The following ARMH3 variants were observed in gnomAD, a reference collection of about 807,000 sequenced individuals.
The protein encoded by ARMH3 is armadillo-like helical domain-containing protein 3.
A neutral mutation model predicts 99.1 loss-of-function variants in ARMH3; 60 were observed. That is an observed-to-expected ratio of 0.61 (90% CI 0.49 to 0.75). ARMH3 has a LOEUF of 0.75. Ranked by LOEUF, ARMH3 falls within the 30% of genes least tolerant of loss-of-function variation. The pLI is 0.00. For synonymous variants in ARMH3, 285 were observed against 292.8 expected (o/e 0.97, Z 0.27); for missense variants, 679 against 843.1 (o/e 0.81, Z 2.41).
chr10:101,938,648 TGCCCTTGG>T (rs879799233), intron 23 of ARMH3, among the ~76,000 whole-genome samples: 1 of 152,268 alleles, frequency 6.6e-6, no homozygotes, highest in African/African-American at 2.4e-5. Context: ...TTTGTCATGC[TGCCCTTGG>T]GTCATAAACA....
intron 24 of ARMH3, among the ~76,000 whole-genome samples, chr10:101,880,209 C>T (rs749115558): frequency 1.2e-4 from 18 of 152,208 alleles, no homozygotes; most frequent in Non-Finnish European, 1.8e-4. Flanking sequence ...TTATGGCTGT[C>T]GTGGGAGTCT....
At chr10:101,886,667 C>T (rs2067553845) in intron 24 of ARMH3, among the ~76,000 whole-genome samples, 1 of 152,110 alleles carries the variant, frequency 6.6e-6, no homozygotes, top group Non-Finnish European at 1.5e-5. Flanking sequence ...AAAGGCTGGG[C>T]TTTGTTTAAT....
chr10:101,935,272 C>T (rs1172025896), intron 23 of ARMH3, among the ~76,000 whole-genome samples: 1 of 150,368 alleles, frequency 6.7e-6, no homozygotes. Flanking sequence ...TGTTTGTGTT[C>T]CAATAAAGAC....
intron 24 of ARMH3, among the ~76,000 whole-genome samples, chr10:101,861,718 A>C (rs1368221953): frequency 7.9e-6 from 1 of 126,244 alleles, no homozygotes; most frequent in African/African-American, 3.0e-5. Flanking sequence ...CAACAGAGCG[A>C]GACTCCGTCT....
chr10:101,907,969 G>C (rs993441173), intron 23 of ARMH3, among the ~76,000 whole-genome samples: 1 of 152,172 alleles, frequency 6.6e-6, no homozygotes, highest in Non-Finnish European at 1.5e-5. Context: ...TTGCCTTACA[G>C]TGTAAGGAAT....
intron 22 of ARMH3, among the ~76,000 whole-genome samples, chr10:101,942,560 T>G (rs546289186): frequency 3.7e-4 from 56 of 152,244 alleles, no homozygotes; most frequent in African/African-American, 1.3e-3. Flanking sequence ...GTGTGTGCCT[T>G]TATCAAAAAT....
chr10:101,888,964 G>T (rs1247756101), intron 24 of ARMH3, among the ~76,000 whole-genome samples: 1 of 152,180 alleles, frequency 6.6e-6, no homozygotes, highest in African/African-American at 2.4e-5. Flanking sequence ...AAGGCAAAGA[G>T]AACTCAATTA....
At chr10:101,974,548 G>A (rs966488424) in intron 20 of ARMH3, among the ~76,000 whole-genome samples, 2 of 152,182 alleles carry the variant, frequency 1.3e-5, no homozygotes. Flanking sequence ...AGAAAGGGGT[G>A]GCAAGCCAGC....
At chr10:101,929,708 T>A (rs192470242) in intron 23 of ARMH3, among the ~76,000 whole-genome samples, 405 of 152,220 alleles carry the variant, frequency 2.7e-3, no homozygotes, top group African/African-American at 9.1e-3. Context: ...GAAAAAAAAT[T>A]AAAGCAATAA....
intron 20 of ARMH3, among the ~76,000 whole-genome samples, chr10:101,961,645 A>G (rs1043582484): frequency 6.6e-6 from 1 of 152,162 alleles, no homozygotes; most frequent in Non-Finnish European, 1.5e-5. Context: ...CTCAGTGCCA[A>G]CACAGAGCTC....
chr10:102,048,556 A>G (rs573041576), intron 1 of ARMH3, among the ~76,000 whole-genome samples: 1 of 152,160 alleles, frequency 6.6e-6, no homozygotes, highest in Admixed American at 6.5e-5. Context: ...CCTCCCAAGT[A>G]GCTGGGACTA....
At position 101,865,732 on chromosome 10, in the gene ARMH3, G is replaced by A. The variant is rs566485817; in HGVS notation, c.1861-15840C>T. Among the ~76,000 whole-genome samples, 565 of 151,028 alleles carry A rather than the reference G, an allele frequency of 3.7e-3. 4 individuals carry two copies. Among genetic ancestry groups the A allele is most frequent in the Non-Finnish European group, 6.2e-3 (421 of 67,826 alleles). Reference sequence around the variant, plus strand: ...TTGAACTCCTGACCTCAGATGATCCGCCCACCTCGGCCTTCCAAAGTGCTG... The same window carrying A: ...TTGAACTCCTGACCTCAGATGATCCACCCACCTCGGCCTTCCAAAGTGCTG... On this transcript the variant is annotated intron_variant, in intron 24 of 25. Transcript: ENST00000370033.
intron 13 of ARMH3, among the ~76,000 whole-genome samples, chr10:102,007,879 G>A (rs1449004768): frequency 4.7e-5 from 7 of 150,258 alleles, no homozygotes; most frequent in Non-Finnish European, 1.0e-4. Context: ...TTCAGATGGC[G>A]GCCTTCCTGT....
chr10:101,932,480 T>C (rs1241143660), intron 23 of ARMH3, among the ~76,000 whole-genome samples: 1 of 152,216 alleles, frequency 6.6e-6, no homozygotes, highest in Non-Finnish European at 1.5e-5. Context: ...CACACTAGCA[T>C]TAGTCACAAT....
rs543132523 is a variant in ARMH3, at chr10:101,983,288, T to C, written c.1406+7263A>G. On this transcript the variant is annotated intron_variant, in intron 19 of 25. Coordinates refer to ENST00000370033, the MANE Select transcript of ARMH3 (RefSeq NM_024541.3). The stretch of plus-strand genomic sequence containing the variant: ...ATGGCCAGTGGTTTTTATTTTATTT[T>C]ATTTATTTTTTGAGACAAGGTCTCA... Among the ~76,000 whole-genome samples, 6 of 152,312 alleles carry C rather than the reference T, an allele frequency of 3.9e-5. No individual in the cohort carries two copies. The East Asian group carries it at 1.2e-3, about 29-fold the overall frequency.
intron 23 of ARMH3, among the ~76,000 whole-genome samples, chr10:101,892,871 T>C (rs1207009272): frequency 1.3e-5 from 2 of 152,154 alleles, no homozygotes; most frequent in Non-Finnish European, 2.9e-5. Flanking sequence ...ACGACAGACA[T>C]GAGTCAGGAG....
chr10:102,019,654 G>A (rs986079393), intron 8 of ARMH3, among the ~76,000 whole-genome samples: 8 of 152,084 alleles, frequency 5.3e-5, no homozygotes, highest in Non-Finnish European at 7.4e-5. Flanking sequence ...TGGGCCGGGC[G>A]CGGTGGCTCA....
chr10:101,986,614 T>A (rs1846520967), intron 19 of ARMH3, among the ~76,000 whole-genome samples: 2 of 152,206 alleles, frequency 1.3e-5, no homozygotes, highest in African/African-American at 4.8e-5. Flanking sequence ...TAAACTTATC[T>A]GAAATGGCAG....
At chr10:101,926,495 T>C (rs1843512340) in intron 23 of ARMH3, among the ~76,000 whole-genome samples, 2 of 152,180 alleles carry the variant, frequency 1.3e-5, no homozygotes, top group African/African-American at 4.8e-5. Flanking sequence ...ATCTGAGTTA[T>C]ATGGCCAGAG....
Sources: gnomAD v4.1 joint callset for allele counts (sites outside exome capture counted in the v4.1 genomes callset) on GRCh38, gnomAD v4.1.1 for gene constraint, MANE v1.5 for transcripts, NCBI Gene and HGNC (gene_info 2026-07-23, HGNC 2026-07-21) for gene names.